Variants in FRMPD4 observed in about 807,000 individuals in gnomAD.
The protein encoded by FRMPD4 is FERM and PDZ domain-containing protein 4.
Under a neutral mutation model 94.1 loss-of-function variants are expected in FRMPD4, and 22 were observed. The observed-to-expected ratio is 0.23, with a 90% CI of 0.17 to 0.33. The LOEUF is 0.33. Ranked by LOEUF, FRMPD4 falls within the 10% of genes least tolerant of loss-of-function variation. FRMPD4 has a pLI of 1.00. For synonymous variants in FRMPD4, 631 were observed against 548.6 expected (o/e 1.15, Z -2.10); for missense variants, 1,111 against 1,339.9 (o/e 0.83, Z 2.67).
intron 1 of FRMPD4, among the ~76,000 whole-genome samples, chrX:12,164,806 C>T (rs1157236284): frequency 1.1e-4 from 12 of 112,368 alleles, no homozygotes; most frequent in South Asian, 3.7e-4. Context: ...CCAGTGATGA[C>T]AAGCATTTTT....
chrX:12,284,748 C>T (rs908158173), intron 1 of FRMPD4, among the ~76,000 whole-genome samples: 3 of 111,868 alleles, frequency 2.7e-5, no homozygotes, highest in African/African-American at 9.8e-5. Flanking sequence ...TACATTTTGT[C>T]TCGCTGAATT....
chrX:12,669,488 GC>G (rs2059817075), intron 4 of FRMPD4, among the ~76,000 whole-genome samples: 2 of 54,643 alleles, frequency 3.7e-5, no homozygotes, highest in African/African-American at 6.2e-5. Flanking sequence ...TAAGCAACTA[GC>G]TTTCTGGGCT....
intron 3 of FRMPD4, among the ~76,000 whole-genome samples, chrX:12,018,625 C>G (rs75371998): frequency 9.1e-6 from 1 of 110,028 alleles, no homozygotes; most frequent in African/African-American, 3.3e-5. Flanking sequence ...CCATGTTGGC[C>G]GGGCTGGTCT....
chrX:12,580,598 C>T (rs1432545575), intron 2 of FRMPD4, among the ~76,000 whole-genome samples: 4 of 111,929 alleles, frequency 3.6e-5, no homozygotes, highest in Non-Finnish European at 5.6e-5. Flanking sequence ...TGACTCACCC[C>T]TTCTCGTGAT....
chrX:12,276,752 G>A (rs189769203), intron 1 of FRMPD4, among the ~76,000 whole-genome samples: 130 of 111,438 alleles, frequency 1.2e-3, no homozygotes, highest in African/African-American at 4.1e-3. Flanking sequence ...TGAGAGGAGG[G>A]GTCCATTCAG....
intron 1 of FRMPD4, among the ~76,000 whole-genome samples, chrX:12,414,977 T>C (rs752798632): frequency 1.6e-4 from 18 of 111,426 alleles, no homozygotes; most frequent in South Asian, 7.7e-4. Flanking sequence ...GAGCTGATCA[T>C]CTTTTTGGTG....
In FRMPD4 at chrX:12,409,826, C is replaced by T. The variant is rs752497710; in HGVS notation, c.42-88854C>T. On this transcript the variant is annotated intron_variant, in intron 1 of 16. Coordinates refer to ENST00000675598, the MANE Select transcript of FRMPD4 (RefSeq NM_001368397.1). ...GTATAATGACATTTCCGTTACTGTT[C>T]GTGGGGGTAGGGGCAAAAAGGTACC... 3.0e-3 allele frequency among the ~76,000 whole-genome samples: 334 copies of T among 111,383 alleles called. 1 individual carries two copies. Among genetic ancestry groups the T allele is most frequent in the African/African-American group, 0.01 (317 of 30,757 alleles).
chrX:11,954,278 C>A (rs1332485931), intron 3 of FRMPD4, among the ~76,000 whole-genome samples: 1 of 112,007 alleles, frequency 8.9e-6, no homozygotes, highest in Non-Finnish European at 1.9e-5. Context: ...TAAAAAAATA[C>A]TTTGAGGATA....
At chrX:12,465,268 C>T (rs1404750548) in intron 1 of FRMPD4, among the ~76,000 whole-genome samples, 1 of 111,979 alleles carries the variant, frequency 8.9e-6, no homozygotes, top group Non-Finnish European at 1.9e-5. Flanking sequence ...ATAAGGTGCT[C>T]ATTTCTTTGT....
chrX:12,165,565 G>A (rs2056102344), intron 1 of FRMPD4, among the ~76,000 whole-genome samples: 1 of 111,542 alleles, frequency 9.0e-6, no homozygotes. Flanking sequence ...ACTTTAAGGT[G>A]GCTTTTTCCA....
At chrX:12,538,572 C>G (rs981965830) in intron 2 of FRMPD4, among the ~76,000 whole-genome samples, 20 of 111,738 alleles carry the variant, frequency 1.8e-4, no homozygotes, top group Non-Finnish European at 3.4e-4. Flanking sequence ...GGGAGGCACC[C>G]CCCAGTAGGG....
Position 12,263,252 on chromosome X carries a change from A to T in FRMPD4, c.41+124240A>T, listed in dbSNP as rs146029007. ...CACATACTGTGTTTTTACATTGAAG[A>T]TCTTGCATCCCAGGAAACTCCTTAG... On this transcript the variant is annotated intron_variant, in intron 1 of 16. Transcript: ENST00000675598. Among the ~76,000 whole-genome samples, 992 of 111,471 alleles carry T rather than the reference A, an allele frequency of 8.9e-3. 4 individuals are homozygous for T. The highest frequency in any genetic ancestry group is 0.013 in the Non-Finnish European group (689 of 53,075).
intron 4 of FRMPD4, among the ~76,000 whole-genome samples, chrX:12,663,071 T>C (rs916138066): frequency 8.9e-6 from 1 of 112,741 alleles, no homozygotes; most frequent in African/African-American, 3.2e-5. Flanking sequence ...CTTGTCAATC[T>C]GTTTAAGTTC....
intron 1 of FRMPD4, among the ~76,000 whole-genome samples, chrX:11,835,719 G>T (rs1479393655): frequency 9.0e-6 from 1 of 111,553 alleles, no homozygotes; most frequent in Non-Finnish European, 1.9e-5. Context: ...TCCTTTGGCT[G>T]TTTTCCCCAG....
At chrX:12,691,084 T>G (rs889342869) in intron 8 of FRMPD4, among the ~76,000 whole-genome samples, 1 of 111,999 alleles carries the variant, frequency 8.9e-6, no homozygotes, top group Non-Finnish European at 1.9e-5. Context: ...ACTAAAGTGC[T>G]TCTTCCTTGT....
intron 1 of FRMPD4, among the ~76,000 whole-genome samples, chrX:12,318,083 ATATAG>A (rs1470619560): frequency 1.8e-5 from 2 of 112,922 alleles, no homozygotes; most frequent in Non-Finnish European, 3.7e-5. Context: ...GATAAAGTAA[ATATAG>A]TATATATACT....
chrX:11,981,940 A>C (rs1353197351), intron 3 of FRMPD4, among the ~76,000 whole-genome samples: 1 of 111,466 alleles, frequency 9.0e-6, no homozygotes, highest in African/African-American at 3.3e-5. Context: ...CTTATATATC[A>C]CTGTATAGCA....
At chrX:12,320,359 C>G (rs982684455) in intron 1 of FRMPD4, among the ~76,000 whole-genome samples, 7 of 111,076 alleles carry the variant, frequency 6.3e-5, no homozygotes, top group African/African-American at 2.3e-4. Context: ...TGGAACTCCC[C>G]AGGCTGAGCT....
At chrX:12,354,921 GA>G (rs1190264030) in intron 1 of FRMPD4, among the ~76,000 whole-genome samples, 1 of 112,123 alleles carries the variant, frequency 8.9e-6, no homozygotes, top group African/African-American at 3.2e-5. Flanking sequence ...CGTTTGGGGA[GA>G]ATATTAGCAA....
Sources: allele counts gnomAD v4.1 joint callset (sites outside exome capture counted in the v4.1 genomes callset), GRCh38; gene constraint gnomAD v4.1.1; transcripts MANE v1.5; gene names NCBI Gene and HGNC (gene_info 2026-07-23, HGNC 2026-07-21).